The following PPM1H variants were observed in gnomAD, a reference collection of about 807,000 sequenced individuals.
The protein encoded by PPM1H is protein phosphatase 1H.
A neutral mutation model predicts 54.9 loss-of-function variants in PPM1H; 27 were observed. That is an observed-to-expected ratio of 0.49 (90% CI 0.36 to 0.68). The LOEUF is 0.68. PPM1H is among the 30% of genes least tolerant of loss of function. The probability of loss-of-function intolerance (pLI) is 0.00; values close to 1 mark genes in which losing one functional copy is unlikely to be tolerated. For synonymous variants in PPM1H, 305 were observed against 270.8 expected, an observed-to-expected ratio of 1.13 and a Z score of -1.24; for missense variants, 596 against 667.8, an observed-to-expected ratio of 0.89 and a Z score of 1.19.
At chr12:62,887,887 G>A (rs1217795675) in intron 1 of PPM1H, among the ~76,000 whole-genome samples, 1 of 152,194 alleles carries the variant, frequency 6.6e-6, no homozygotes, top group Non-Finnish European at 1.5e-5. Context: ...GTGGAGGCAA[G>A]TTTGCATGGT....
chr12:62,871,046 T>TC (rs1274204051), intron 1 of PPM1H, among the ~76,000 whole-genome samples: 1 of 152,172 alleles, frequency 6.6e-6, no homozygotes. Context: ...ATCTAGCAAT[T>TC]CCACTCCTAG....
At chr12:62,712,117 C>G (rs1437974635) in intron 6 of PPM1H, among the ~76,000 whole-genome samples, 1 of 152,252 alleles carries the variant, frequency 6.6e-6, no homozygotes, top group Non-Finnish European at 1.5e-5. Flanking sequence ...GGCCCCTCCC[C>G]ATGTGGGGCT....
At chr12:62,829,426 G>A (rs556863456) in intron 2 of PPM1H, among the ~76,000 whole-genome samples, 27 of 152,290 alleles carry the variant, frequency 1.8e-4, no homozygotes, top group South Asian at 6.2e-4. Context: ...GAGATGATGA[G>A]GGTGATGGTT....
chr12:62,827,605 C>T (rs1161279105), intron 2 of PPM1H, among the ~76,000 whole-genome samples: 2 of 152,102 alleles, frequency 1.3e-5, no homozygotes, highest in Non-Finnish European at 1.5e-5. Flanking sequence ...TCTTGCCAAC[C>T]CTCCAAGAGA....
At chr12:62,713,918 T>C (rs2076221518) in intron 6 of PPM1H, among the ~76,000 whole-genome samples, 2 of 151,990 alleles carry the variant, frequency 1.3e-5, no homozygotes. Flanking sequence ...CAGTGAGCCA[T>C]GGTCATGTGA....
chr12:62,650,364 C>T (rs2075808857), intron 9 of PPM1H, among the ~76,000 whole-genome samples: 1 of 152,122 alleles, frequency 6.6e-6, no homozygotes, highest in African/African-American at 2.4e-5. Flanking sequence ...AGAGAATTAT[C>T]ATCTTTGAGG....
At chr12:62,920,623 CAA>C (rs398055633) in intron 1 of PPM1H, among the ~76,000 whole-genome samples, 90 of 121,284 alleles carry the variant, frequency 7.4e-4, no homozygotes, top group Non-Finnish European at 7.8e-4. Flanking sequence ...CACCCGGCAT[CAA>C]AAAAAAAAAA....
At chr12:62,703,635 G>C (rs2120390498) in intron 6 of PPM1H, among the ~76,000 whole-genome samples, 1 of 152,114 alleles carries the variant, frequency 6.6e-6, no homozygotes, top group Non-Finnish European at 1.5e-5. Flanking sequence ...CCCAGGCCTG[G>C]CTGGACAGGA....
chr12:62,683,893 C>T (rs1038604960), intron 8 of PPM1H, among the ~76,000 whole-genome samples: 1 of 152,136 alleles, frequency 6.6e-6, no homozygotes, highest in African/African-American at 2.4e-5. Flanking sequence ...CAGAGAACAT[C>T]TGGAGTTTTG....
chr12:62,755,938 T>G, intron 4 of PPM1H: 1 of 837,030 alleles, frequency 1.2e-6, no homozygotes, highest in Non-Finnish European at 2.0e-6. Context: ...GTGTCCCTAC[T>G]GCCAATGTGT....
Position 62,659,291 on chromosome 12 carries a change from A to G in PPM1H, c.1397+7887T>C, listed in dbSNP as rs137882403. ...CTGCAAAAAAAAAAAAAAAAAAAAAAGAGAAAAACTTACTGCACTCATATT... is the reference window on the plus strand; with the variant it reads ...CTGCAAAAAAAAAAAAAAAAAAAAAGGAGAAAAACTTACTGCACTCATATT... On this transcript the variant is annotated intron_variant, in intron 9 of 9. Transcript: ENST00000228705. 5 of 485,090 alleles carry G rather than the reference A, an allele frequency of 1.0e-5. No individual in the cohort carries two copies. In the South Asian group the frequency reaches 1.1e-4, roughly 11 times the overall value. The allele number at this position is 485,090 out of a possible 1,614,324, so 30.0% of individuals were successfully genotyped here. A position where few individuals can be genotyped will look rare whatever the true frequency, so the allele number is the denominator to read the frequency against.
At chr12:62,909,092 G>A (rs983783115) in intron 1 of PPM1H, among the ~76,000 whole-genome samples, 4 of 151,830 alleles carry the variant, frequency 2.6e-5, no homozygotes, top group East Asian at 1.9e-4. Flanking sequence ...CTGAAAATCC[G>A]GAATTATCTT....
chr12:62,761,127 C>A (rs1287089519), intron 4 of PPM1H, among the ~76,000 whole-genome samples: 1 of 152,018 alleles, frequency 6.6e-6, no homozygotes, highest in Non-Finnish European at 1.5e-5. Context: ...TAGAAAAAAA[C>A]TAAATAAAAA....
intron 1 of PPM1H, among the ~76,000 whole-genome samples, chr12:62,836,680 G>A (rs1205730140): frequency 1.3e-5 from 2 of 152,044 alleles, no homozygotes; most frequent in African/African-American, 4.8e-5. Flanking sequence ...TTAAACACAT[G>A]GGTAATTTTG....
chr12:62,927,190 A>G (rs778091319), intron 1 of PPM1H, among the ~76,000 whole-genome samples: 2 of 152,238 alleles, frequency 1.3e-5, no homozygotes, highest in African/African-American at 4.8e-5. Context: ...GTGAATGTGC[A>G]TAGCTTCTAA....
chr12:62,693,070 T>C (rs2076092161), intron 7 of PPM1H, among the ~76,000 whole-genome samples: 2 of 152,220 alleles, frequency 1.3e-5, no homozygotes, highest in African/African-American at 4.8e-5. Flanking sequence ...CTCTTCTCAA[T>C]GTGACCACAT....
chr12:62,817,323 G>T (rs1393645868), intron 2 of PPM1H, among the ~76,000 whole-genome samples: 1 of 151,358 alleles, frequency 6.6e-6, no homozygotes, highest in Admixed American at 6.6e-5. Context: ...TTAGCCGGGC[G>T]TGGTGGCGGG....
chr12:62,897,192 A>G (rs981092111), intron 1 of PPM1H, among the ~76,000 whole-genome samples: 2 of 152,080 alleles, frequency 1.3e-5, no homozygotes, highest in African/African-American at 4.8e-5. Context: ...TGGCACATGT[A>G]TACATATGTG....
intron 1 of PPM1H, among the ~76,000 whole-genome samples, chr12:62,924,813 A>G (rs545360911): frequency 6.6e-6 from 1 of 152,160 alleles, no homozygotes; most frequent in Non-Finnish European, 1.5e-5. Context: ...AGGCAAAGGC[A>G]GGTGGATCAC....
Sources: gnomAD v4.1 joint callset for allele counts (sites outside exome capture counted in the v4.1 genomes callset) on GRCh38, gnomAD v4.1.1 for gene constraint, MANE v1.5 for transcripts, NCBI Gene and HGNC (gene_info 2026-07-23, HGNC 2026-07-21) for gene names.